ZNG1B: variants seen among roughly 807,000 people sequenced by gnomAD.
ZNG1B encodes Zn regulated GTPase metalloprotein activator 1B, also known as zinc-regulated GTPase metalloprotein activator 1B.
chr2:113,472,709 G>A, the ZNG1B span, among the ~76,000 whole-genome samples: 4 of 151,784 alleles, frequency 2.6e-5, no homozygotes, highest in African/African-American at 4.8e-5. Context: ...CATATGGCTA[G>A]CCAGTTTTCC....
chr2:113,477,273 C>T, the ZNG1B span, among the ~76,000 whole-genome samples: 2 of 152,116 alleles, frequency 1.3e-5, no homozygotes, highest in Non-Finnish European at 2.9e-5. Flanking sequence ...TGGGAGTGAC[C>T]CGATCTTCCA....
At chr2:113,472,565 C>G in the ZNG1B span, among the ~76,000 whole-genome samples, 1 of 151,910 alleles carries the variant, frequency 6.6e-6, no homozygotes, top group South Asian at 2.1e-4. Flanking sequence ...TTGCCCATGC[C>G]TATGTCCTGA....
the ZNG1B span, among the ~76,000 whole-genome samples, chr2:113,440,205 A>G: frequency 6.6e-6 from 1 of 152,082 alleles, no homozygotes; most frequent in Non-Finnish European, 1.5e-5. Context: ...TCTAAGCTCT[A>G]TGAAGGCAGA....
At chr2:113,467,910 AC>A in the ZNG1B span, among the ~76,000 whole-genome samples, 1 of 140,474 alleles carries the variant, frequency 7.1e-6, no homozygotes, top group African/African-American at 2.8e-5. Context: ...TAGAGAACTT[AC>A]CACAAAGGGT....
the ZNG1B span, among the ~76,000 whole-genome samples, chr2:113,443,037 C>T: frequency 3.3e-5 from 5 of 150,460 alleles, no homozygotes; most frequent in Non-Finnish European, 7.4e-5. Context: ...GGCACAGTCT[C>T]GGGTCACTGC....
chr2:113,460,862 GCTAT>G, the ZNG1B span: 5 of 1,301,414 alleles, frequency 3.8e-6, no homozygotes, highest in Non-Finnish European at 5.2e-6. Context: ...TTGAATTATT[GCTAT>G]CTATTTATAA....
the ZNG1B span, among the ~76,000 whole-genome samples, chr2:113,471,686 T>C: frequency 1.5e-5 from 2 of 136,164 alleles, no homozygotes; most frequent in African/African-American, 5.4e-5. Context: ...CCTGTGTCCA[T>C]GTGTTCTCAT....
At chr2:113,470,043 G>A in the ZNG1B span, 1 of 150,124 alleles carries the variant, frequency 6.7e-6, no homozygotes, top group Non-Finnish European at 1.5e-5. Flanking sequence ...CCAGGCTGGA[G>A]TGCAGTGGTG....
the ZNG1B span, chr2:113,494,623 C>T: frequency 2.2e-6 from 2 of 921,352 alleles, 1 homozygote; most frequent in Admixed American, 1.3e-4. Context: ...CAAATCAATA[C>T]ACAATGAGCT....
At chr2:113,484,138 A>C in the ZNG1B span, among the ~76,000 whole-genome samples, 1 of 142,390 alleles carries the variant, frequency 7.0e-6, no homozygotes, top group Non-Finnish European at 1.5e-5. Context: ...TTATTTAGTA[A>C]GTTTTACTTG....
At chr2:113,462,831 A>C in the ZNG1B span, 2 of 419,984 alleles carry the variant, frequency 4.8e-6, no homozygotes, top group East Asian at 7.5e-5. Context: ...CCATGGATGC[A>C]TCCTGTCAGT....
At chr2:113,489,607 C>T in the ZNG1B span, among the ~76,000 whole-genome samples, 1 of 152,160 alleles carries the variant, frequency 6.6e-6, no homozygotes, top group African/African-American at 2.4e-5. Flanking sequence ...CCATCTGTTG[C>T]CTTCAAGAGT....
At chr2:113,437,717 G>A in the ZNG1B span, 2 of 1,522,792 alleles carry the variant, frequency 1.3e-6, no homozygotes, top group African/African-American at 1.4e-5. Context: ...CTCGTCCAGA[G>A]CCCAGGTAAT....
At chr2:113,464,002 C>A in the ZNG1B span, among the ~76,000 whole-genome samples, 1 of 151,950 alleles carries the variant, frequency 6.6e-6, no homozygotes, top group Non-Finnish European at 1.5e-5. Flanking sequence ...AAGAAGAACA[C>A]AATCTATTTA....
the ZNG1B span, chr2:113,462,397 T>G: frequency 1.3e-6 from 2 of 1,596,802 alleles, no homozygotes; most frequent in Non-Finnish European, 1.7e-6. Context: ...TTTCTCTGTT[T>G]GCTATTTTAG....
chr2:113,466,048 T>A, the ZNG1B span: 1 of 979,854 alleles, frequency 1.0e-6, no homozygotes, highest in African/African-American at 1.8e-5. Flanking sequence ...ACTCATCTGC[T>A]GGCAGAGGTA....
the ZNG1B span, among the ~76,000 whole-genome samples, chr2:113,476,322 C>G: frequency 1.3e-5 from 2 of 151,350 alleles, no homozygotes; most frequent in Non-Finnish European, 2.9e-5. Flanking sequence ...AGTTCTTGAG[C>G]CTTGGTTTTC....
the ZNG1B span, among the ~76,000 whole-genome samples, chr2:113,490,135 T>C: frequency 1.3e-5 from 2 of 151,580 alleles, no homozygotes; most frequent in South Asian, 2.1e-4. Context: ...TCAATAAATT[T>C]TAAGAAAATT....
the ZNG1B span, chr2:113,438,023 G>C: frequency 6.2e-7 from 1 of 1,611,870 alleles, no homozygotes; most frequent in South Asian, 1.1e-5. Flanking sequence ...GGGTATTTAG[G>C]TAACTAACCA....
Sources: allele counts gnomAD v4.1 joint callset (sites outside exome capture counted in the v4.1 genomes callset), GRCh38; gene constraint gnomAD v4.1.1; transcripts MANE v1.5; gene names NCBI Gene and HGNC (gene_info 2026-07-23, HGNC 2026-07-21).